Variants in SP3 observed in about 807,000 individuals in gnomAD.
SP3 encodes the protein transcription factor Sp3.
Under a neutral mutation model 70.3 loss-of-function variants are expected in SP3, and 10 were observed. That is an observed-to-expected ratio of 0.14 (90% CI 0.09 to 0.24). The LOEUF (loss-of-function observed/expected upper bound fraction) is 0.24, where lower values mean the gene tolerates loss of function less well. Ranked by LOEUF, SP3 falls within the 10% of genes least tolerant of loss-of-function variation. The pLI, the probability that SP3 is intolerant of heterozygous loss-of-function variation, is 1.00. For missense variants in SP3, 825 were observed against 914.6 expected (o/e 0.90, Z 1.26); for synonymous variants, 402 against 333.5 (o/e 1.21, Z -2.24).
intron 4 of SP3, among the ~76,000 whole-genome samples, chr2:173,939,191 T>C (rs1170426619): frequency 6.6e-6 from 1 of 152,236 alleles, no homozygotes; most frequent in African/African-American, 2.4e-5. Flanking sequence ...CGCTGTAAGT[T>C]ATCTGTAGAC....
Position 173,947,450 on chromosome 2 carries a change from A to G in SP3, c.1639+7423T>C, listed in dbSNP as rs150869410. On this transcript the variant is annotated intron_variant, in intron 4 of 6. Coordinates refer to ENST00000310015, the MANE Select transcript of SP3 (RefSeq NM_003111.5). Reference sequence around the variant, plus strand: ...AAAAAGCACTACCAGTTTAAAAAAAAAGAGAGAGAAACACTGACATGCCTT... The same window carrying G: ...AAAAAGCACTACCAGTTTAAAAAAAGAGAGAGAGAAACACTGACATGCCTT... Among the ~76,000 whole-genome samples the G allele has an allele frequency of 2.2e-3, 331 of 152,312 alleles. 3 individuals carry two copies. Among genetic ancestry groups the G allele is most frequent in the African/African-American group, 7.6e-3 (316 of 41,572 alleles).
At chr2:173,957,087 C>A (rs888189928) in intron 3 of SP3, among the ~76,000 whole-genome samples, 1 of 152,054 alleles carries the variant, frequency 6.6e-6, no homozygotes, top group Non-Finnish European at 1.5e-5. Context: ...AAACTTAATG[C>A]AAATATGATA....
chr2:173,952,168 ATTCT>A (rs1690729363), intron 4 of SP3, among the ~76,000 whole-genome samples: 1 of 150,144 alleles, frequency 6.7e-6, no homozygotes, highest in African/African-American at 2.5e-5. Flanking sequence ...ACAGTTTATC[ATTCT>A]TTCAAGTAAA....
intron 4 of SP3, among the ~76,000 whole-genome samples, chr2:173,925,448 G>C (rs1377624183): frequency 6.6e-6 from 1 of 152,146 alleles, no homozygotes; most frequent in African/African-American, 2.4e-5. Flanking sequence ...TATTTAAAAG[G>C]TAGAGTTTCA....
chr2:173,949,377 A>C (rs961399780), intron 4 of SP3, among the ~76,000 whole-genome samples: 2 of 152,030 alleles, frequency 1.3e-5, no homozygotes, highest in Non-Finnish European at 2.9e-5. Flanking sequence ...AAAAAAAAAA[A>C]ATCTGAAATA....
intron 3 of SP3, among the ~76,000 whole-genome samples, chr2:173,962,792 T>G (rs1691127303): frequency 1.3e-5 from 2 of 152,034 alleles, no homozygotes; most frequent in African/African-American, 4.8e-5. Context: ...ATGAGGGTTT[T>G]CATTATTTTA....
Position 173,913,258 on chromosome 2 carries a change from T to C in SP3, c.1841A>G (p.Asn614Ser), listed in dbSNP as rs959235851. ...NCKEGGGRGT[N>S]LGKKKQHICH... ...AATGTGTTGCTTCTTTTTCCCAAGA[T>C]TGGTACCTCTAAAAAACACACATAG... The change falls in exon 6 of 7, where the codon AAT becomes AGT. Residue 614 changes from asparagine (N) to serine (S), a missense_variant. By Grantham distance (46) the Asn-to-Ser change is conservative (BLOSUM62 1). This residue lies in a region of SP3 where 37 missense variants were observed against 66.2 expected (regional missense o/e 0.56). Coordinates refer to ENST00000310015, the MANE Select transcript of SP3 (RefSeq NM_003111.5). The C allele has an allele frequency of 1.9e-6, 3 of 1,591,874 alleles. No individual in the cohort carries two copies. Among genetic ancestry groups the C allele is most frequent in the Admixed American group, 1.7e-5 (1 of 57,884 alleles).
At chr2:173,936,502 A>C (rs752478042) in intron 4 of SP3, among the ~76,000 whole-genome samples, 1 of 152,170 alleles carries the variant, frequency 6.6e-6, no homozygotes. Flanking sequence ...CTCTCACCAT[A>C]CTTATTCAAA....
chr2:173,956,852 G>A (rs1690910908), intron 3 of SP3, among the ~76,000 whole-genome samples: 1 of 152,130 alleles, frequency 6.6e-6, no homozygotes, highest in South Asian at 2.1e-4. Flanking sequence ...CATTTGAAAG[G>A]TTTCTCTAGG....
chr2:173,965,113 C>T (rs1691251545), intron 1 of SP3, 52 bp downstream of exon 1: 1 of 1,546,302 alleles, frequency 6.5e-7, no homozygotes, highest in Non-Finnish European at 8.7e-7. Flanking sequence ...CTGTGGTCGG[C>T]GGCAGCGGCG....
chr2:173,964,605 G>C (rs1294770332), intron 1 of SP3, 52 bp from the exon 2 acceptor site: 13 of 647,432 alleles, frequency 2.0e-5, no homozygotes, highest in Non-Finnish European at 3.7e-5. Flanking sequence ...GGGTGGCGGA[G>C]AGGGAGGGGG....
At chr2:173,927,846 A>T (rs1162512096) in intron 4 of SP3, among the ~76,000 whole-genome samples, 2 of 152,212 alleles carry the variant, frequency 1.3e-5, no homozygotes, top group Non-Finnish European at 2.9e-5. Context: ...TTTCTCCAGA[A>T]TCAATTACAC....
At chr2:173,924,837 T>A (rs965858321) in intron 4 of SP3, among the ~76,000 whole-genome samples, 2 of 152,222 alleles carry the variant, frequency 1.3e-5, no homozygotes, top group African/African-American at 4.8e-5. Flanking sequence ...TTAAATCAAA[T>A]CAAAGTGAGT....
chr2:173,935,793 T>A (rs1054513785), intron 4 of SP3, among the ~76,000 whole-genome samples: 7 of 152,064 alleles, frequency 4.6e-5, no homozygotes, highest in Non-Finnish European at 8.8e-5. Context: ...CCAACTAGTG[T>A]CATCTTGGAG....
intron 6 of SP3, among the ~76,000 whole-genome samples, chr2:173,911,979 G>T (rs559585067): frequency 6.6e-6 from 1 of 151,898 alleles, no homozygotes; most frequent in Non-Finnish European, 1.5e-5. Flanking sequence ...CCATCCGCCC[G>T]GCTATTCTTT....
Position 173,947,222 on chromosome 2 carries a change from C to T in SP3, c.1639+7651G>A, listed in dbSNP as rs928758509. Among the ~76,000 whole-genome samples, 36 of 152,184 alleles carry T rather than the reference C, an allele frequency of 2.4e-4. 1 individual carries two copies. Among genetic ancestry groups the T allele is most frequent in the African/African-American group, 8.7e-4 (36 of 41,440 alleles). On this transcript the variant is annotated intron_variant, in intron 4 of 6. Transcript: ENST00000310015. ...AATTCTTAGCCATTATTTCATCAAA[C>T]ATTGCTTCTCTTGCCATTCACTTTA...
At chr2:173,954,822 C>T in intron 4 of SP3, 51 bp downstream of exon 4, 1 of 1,551,110 alleles carries the variant, frequency 6.4e-7, no homozygotes, top group Middle Eastern at 1.7e-4. Flanking sequence ...AAATTTCCCT[C>T]TATGTATTAT....
intron 4 of SP3, among the ~76,000 whole-genome samples, chr2:173,937,567 T>C (rs1241529986): frequency 6.6e-6 from 1 of 151,904 alleles, no homozygotes; most frequent in Non-Finnish European, 1.5e-5. Flanking sequence ...GTTAAATTTC[T>C]TGAAAAAAAA....
At position 173,906,583 on chromosome 2, in the gene SP3, ATTATT is replaced by A. The variant is rs778395380; in HGVS notation, c.*3353_*3357del. ...CAGGTAGCATAACATGTCAGTTTAT[ATTATT>A]TTAAAACCAAATGTTATTCCATAAT... On this transcript the variant is annotated 3_prime_UTR_variant, in exon 7 of 7. Transcript: ENST00000310015. 1.1e-4 allele frequency: 17 copies of A among 152,234 alleles called. No individual in the cohort carries two copies. The highest frequency in any genetic ancestry group is 1.0e-3 in the Admixed American group (16 of 15,292). 9.4% of individuals were successfully genotyped at this position (152,234 alleles called of 1,614,324 possible). A position where few individuals can be genotyped will look rare whatever the true frequency, so the allele number is the denominator to read the frequency against.
Sources: allele counts gnomAD v4.1 joint callset (sites outside exome capture counted in the v4.1 genomes callset), GRCh38; gene constraint gnomAD v4.1.1; regional missense constraint gnomAD v4.1.1; transcripts MANE v1.5; gene names NCBI Gene and HGNC (gene_info 2026-07-23, HGNC 2026-07-21).